Variants in TCF12 observed in about 807,000 individuals in gnomAD.
The protein encoded by TCF12 is transcription factor 12.
In TCF12, 45 loss-of-function variants were observed where a neutral mutation model predicts 86.0. That is an observed-to-expected ratio of 0.52 (90% CI 0.41 to 0.67). The LOEUF (loss-of-function observed/expected upper bound fraction) is 0.67. Among genes scored for constraint, TCF12 ranks in the 30% least tolerant of loss-of-function variants. The pLI is 0.00. For synonymous variants in TCF12, 330 were observed against 299.6 expected (o/e 1.10, Z -1.05); for missense variants, 881 against 859.9 (o/e 1.02, Z -0.31).
chr15:57,041,838 TAA>T lies in TCF12; in HGVS notation c.149-21909_149-21908del, dbSNP rs1291619502. The stretch of plus-strand genomic sequence containing the variant: ...GAAGAATGCTGCCTTTCACTTTTGT[TAA>T]AATCCATTTGTTTACTTGATCGCAT... On this transcript the variant is annotated intron_variant, in intron 3 of 20. Transcript: ENST00000333725. 2.0e-5 allele frequency among the ~76,000 whole-genome samples: 3 copies of T among 152,222 alleles called. 1 individual carries two copies. The highest frequency in any genetic ancestry group is 6.3e-3 in the Middle Eastern group (2 of 316).
intron 6 of TCF12, among the ~76,000 whole-genome samples, chr15:57,172,029 A>C (rs1337162532): frequency 6.6e-6 from 1 of 152,210 alleles, no homozygotes; most frequent in Non-Finnish European, 1.5e-5. Context: ...CCCTTGAAAA[A>C]ATGACAGCTT....
chr15:57,208,852 A>C (rs142278365), intron 8 of TCF12, among the ~76,000 whole-genome samples: 5,525 of 151,962 alleles, frequency 0.036, 142 homozygotes, highest in South Asian at 0.11. Flanking sequence ...AGTAACTGGG[A>C]CTACAGGCAC....
chr15:57,086,735 AAAG>A (rs2048661768), intron 4 of TCF12, among the ~76,000 whole-genome samples: 1 of 151,430 alleles, frequency 6.6e-6, no homozygotes, highest in Admixed American at 6.6e-5. Context: ...AGGCCATTGA[AAAG>A]AATTGAAAAA....
chr15:57,002,851 C>T (rs1341565649), intron 3 of TCF12, among the ~76,000 whole-genome samples: 1 of 152,178 alleles, frequency 6.6e-6, no homozygotes, highest in Admixed American at 6.5e-5. Context: ...GAATCCTTTA[C>T]ATACTCGCAC....
intron 3 of TCF12, among the ~76,000 whole-genome samples, chr15:56,961,923 A>G (rs147533467): frequency 6.6e-6 from 1 of 151,986 alleles, no homozygotes; most frequent in Non-Finnish European, 1.5e-5. Flanking sequence ...TGGGTGGATC[A>G]CGAGGTCAGG....
At chr15:56,943,450 C>A (rs213160) in intron 3 of TCF12, among the ~76,000 whole-genome samples, 32,982 of 152,064 alleles carry the variant, frequency 0.22, 3,650 homozygotes, top group Middle Eastern at 0.23. Flanking sequence ...AATAAAAAGC[C>A]TTCAATAAAA....
intron 3 of TCF12, among the ~76,000 whole-genome samples, chr15:56,970,289 G>A (rs2062224705): frequency 6.6e-6 from 1 of 151,882 alleles, no homozygotes; most frequent in African/African-American, 2.4e-5. Flanking sequence ...AGGTCAGCCT[G>A]GCCAATATAG....
intron 8 of TCF12, among the ~76,000 whole-genome samples, chr15:57,227,547 A>G (rs1391841113): frequency 6.6e-6 from 1 of 152,146 alleles, no homozygotes; most frequent in Non-Finnish European, 1.5e-5. Context: ...ATCCCTTTTT[A>G]AAAGTTGCTT....
intron 6 of TCF12, among the ~76,000 whole-genome samples, chr15:57,173,839 C>T (rs2055709825): frequency 1.3e-5 from 2 of 151,990 alleles, no homozygotes; most frequent in East Asian, 3.9e-4. Context: ...TCCTGAGTAG[C>T]TGGGACTACA....
chr15:57,089,626 T>C (rs1228823442), intron 4 of TCF12, among the ~76,000 whole-genome samples: 1 of 152,076 alleles, frequency 6.6e-6, no homozygotes, highest in African/African-American at 2.4e-5. Flanking sequence ...TTACTTTTTG[T>C]TGTTCAAGAA....
At chr15:57,051,521 G>C (rs1313257101) in intron 3 of TCF12, among the ~76,000 whole-genome samples, 2 of 151,766 alleles carry the variant, frequency 1.3e-5, no homozygotes, top group African/African-American at 2.4e-5. Context: ...ATGAGTTCTT[G>C]CTATGTTGCC....
rs143520700 is a variant in TCF12, at chr15:57,175,919, G to A, written c.390+9453G>A. On this transcript the variant is annotated intron_variant, in intron 6 of 20. Transcript: ENST00000333725. ...TGTCATGTGTTGAGCTGTTAATGGC[G>A]TAGAACATTAAACCTTGGTAGATAA... is the stretch of plus-strand genomic sequence containing the variant. Among the ~76,000 whole-genome samples the A allele has an allele frequency of 2.5e-3, 375 of 152,000 alleles. 1 individual carries two copies. The highest frequency in any genetic ancestry group is 4.2e-3 in the Non-Finnish European group (283 of 68,030).
intron 5 of TCF12, among the ~76,000 whole-genome samples, chr15:57,093,404 C>A (rs1402669566): frequency 6.6e-6 from 1 of 152,102 alleles, no homozygotes; most frequent in Admixed American, 6.6e-5. Flanking sequence ...ACTAAGCTTT[C>A]TTAATTGAGA....
intron 3 of TCF12, among the ~76,000 whole-genome samples, chr15:56,966,987 T>C (rs2062034243): frequency 6.6e-6 from 1 of 152,096 alleles, no homozygotes; most frequent in Admixed American, 6.6e-5. Flanking sequence ...CCAGGCATGG[T>C]GGCAGGTGCT....
chr15:57,260,991 T>A (rs2060560704), intron 16 of TCF12, among the ~76,000 whole-genome samples: 1 of 152,144 alleles, frequency 6.6e-6, no homozygotes, highest in African/African-American at 2.4e-5. Flanking sequence ...TTTCTGAAAG[T>A]GGGAAGTAGG....
intron 3 of TCF12, among the ~76,000 whole-genome samples, chr15:56,986,340 A>G (rs1259377942): frequency 6.6e-6 from 1 of 152,194 alleles, no homozygotes; most frequent in African/African-American, 2.4e-5. Flanking sequence ...AAAAAATTTG[A>G]GCTTCTGTTG....
intron 3 of TCF12, among the ~76,000 whole-genome samples, chr15:57,005,467 C>T (rs1254077937): frequency 1.3e-5 from 2 of 152,222 alleles, no homozygotes; most frequent in Non-Finnish European, 2.9e-5. Flanking sequence ...TCCCATAGAT[C>T]TCATTTCTGC....
At chr15:57,073,692 A>G (rs1337275218) in intron 4 of TCF12, among the ~76,000 whole-genome samples, 1 of 152,162 alleles carries the variant, frequency 6.6e-6, no homozygotes, top group Non-Finnish European at 1.5e-5. Context: ...AGACCCCCAG[A>G]ACAGTTATTT....
chr15:57,094,543 A>G (rs1338561085), intron 5 of TCF12, among the ~76,000 whole-genome samples: 2 of 152,210 alleles, frequency 1.3e-5, no homozygotes, highest in Admixed American at 6.5e-5. Context: ...TACAGTGGAT[A>G]GACTGACTTT....
Sources: allele counts gnomAD v4.1 joint callset (sites outside exome capture counted in the v4.1 genomes callset), GRCh38; gene constraint gnomAD v4.1.1; transcripts MANE v1.5; gene names NCBI Gene and HGNC (gene_info 2026-07-23, HGNC 2026-07-21).